The following PARD6G variants were observed in gnomAD, a reference collection of about 807,000 sequenced individuals.
The protein encoded by PARD6G is par-6 family cell polarity regulator gamma, also known as partitioning defective 6 homolog gamma.
A neutral mutation model predicts 10.7 loss-of-function variants in PARD6G; 7 were observed. The observed-to-expected ratio is 0.66, with a 90% CI of 0.37 to 1.23. The LOEUF (loss-of-function observed/expected upper bound fraction) is 1.23. PARD6G is among the 50% of genes most tolerant of loss of function. The pLI is 0.02. For synonymous variants in PARD6G, 287 were observed against 269.4 expected (o/e 1.07, Z -0.64); for missense variants, 548 against 571.8 (o/e 0.96, Z 0.42).
intron 1 of PARD6G, among the ~76,000 whole-genome samples, chr18:80,226,956 C>T (rs1427510623): frequency 6.6e-6 from 1 of 152,096 alleles, no homozygotes; most frequent in African/African-American, 2.4e-5. Context: ...AACCTGTTGA[C>T]CAGAGTTTTT....
chr18:80,204,398 G>T (rs1325457098), intron 1 of PARD6G, among the ~76,000 whole-genome samples: 1 of 152,068 alleles, frequency 6.6e-6, no homozygotes, highest in Non-Finnish European at 1.5e-5. Context: ...GTTCCTGAAA[G>T]AGCTGATGCT....
At chr18:80,244,896 AGAAG>A (rs1320940521) in intron 1 of PARD6G, among the ~76,000 whole-genome samples, 4 of 152,202 alleles carry the variant, frequency 2.6e-5, no homozygotes, top group African/African-American at 9.7e-5. Context: ...AGCTGTGCAC[AGAAG>A]GAAGAGCCAC....
At chr18:80,163,760 G>A (rs2095511588) in intron 2 of PARD6G, among the ~76,000 whole-genome samples, 1 of 152,170 alleles carries the variant, frequency 6.6e-6, no homozygotes, top group African/African-American at 2.4e-5. Context: ...GGTAGACCAG[G>A]GTTCCCTGCA....
At chr18:80,170,453 C>T (rs2052768294) in intron 2 of PARD6G, 1 of 152,382 alleles carries the variant, frequency 6.6e-6, no homozygotes, top group Admixed American at 6.5e-5. Flanking sequence ...AATCTATTTT[C>T]CACCAAGAGC....
Position 80,159,672 on chromosome 18 carries a change from G to T in PARD6G, c.*99C>A. On this transcript the variant is annotated 3_prime_UTR_variant, in exon 3 of 3. Transcript: ENST00000353265. Reference sequence around the variant, plus strand: ...AAACAAAGAGCAGCGTTGTTTTTGTGGTCACAAAAACAACAAAAAATGAGC... The same window carrying T: ...AAACAAAGAGCAGCGTTGTTTTTGTTGTCACAAAAACAACAAAAAATGAGC... The T allele has an allele frequency of 7.6e-7, 1 of 1,311,406 alleles. No homozygotes were observed. The highest frequency in any genetic ancestry group is 9.7e-7 in the Non-Finnish European group (1 of 1,027,326). 81.2% of individuals were successfully genotyped at this position (1,311,406 alleles called of 1,614,324 possible).
chr18:80,225,262 T>C (rs1352136277), intron 1 of PARD6G, among the ~76,000 whole-genome samples: 1 of 152,182 alleles, frequency 6.6e-6, no homozygotes, highest in East Asian at 1.9e-4. Context: ...TCTTGTCACC[T>C]AGGTCCTTTC....
At chr18:80,172,090 C>CT (rs1360038791) in intron 2 of PARD6G, among the ~76,000 whole-genome samples, 7 of 152,334 alleles carry the variant, frequency 4.6e-5, no homozygotes, top group Admixed American at 3.3e-4. Context: ...ATATGTCTAA[C>CT]TGTTTGAGGA....
At position 80,159,469 on chromosome 18, in the gene PARD6G, T is replaced by C. The variant is rs1429472104; in HGVS notation, c.*302A>G. 9.8e-6 allele frequency: 3 copies of C among 305,686 alleles called. No homozygotes were observed. Among genetic ancestry groups the C allele is most frequent in the African/African-American group, 2.2e-5 (1 of 46,218 alleles). The allele number at this position is 305,686 out of a possible 1,614,324, so 18.9% of individuals were successfully genotyped here. A position where few individuals can be genotyped will look rare whatever the true frequency, so the allele number is the denominator to read the frequency against. ...AGCTTCACTTTAAAAACAAAGTATT[T>C]GTAAAAATTTTAAAAAGCATTTTTT... On this transcript the variant is annotated 3_prime_UTR_variant, in exon 3 of 3. Transcript: ENST00000353265.
intron 2 of PARD6G, among the ~76,000 whole-genome samples, chr18:80,177,242 A>ATG (rs2052816911): frequency 6.8e-6 from 1 of 146,230 alleles, no homozygotes. Flanking sequence ...ACACACACAC[A>ATG]CACAGTACAA....
intron 2 of PARD6G, among the ~76,000 whole-genome samples, chr18:80,185,674 TCA>T (rs1280862875): frequency 6.8e-6 from 1 of 146,754 alleles, no homozygotes; most frequent in Admixed American, 6.8e-5. Flanking sequence ...TTGCACACCC[TCA>T]CACATGCATA....
intron 1 of PARD6G, among the ~76,000 whole-genome samples, chr18:80,224,788 A>G (rs1039340981): frequency 6.6e-6 from 1 of 152,022 alleles, no homozygotes; most frequent in Non-Finnish European, 1.5e-5. Flanking sequence ...CGGAGGTTGC[A>G]GTGAGCCGAG....
chr18:80,235,528 T>C (rs944063261), intron 1 of PARD6G, among the ~76,000 whole-genome samples: 4 of 151,788 alleles, frequency 2.6e-5, no homozygotes, highest in South Asian at 2.1e-4. Context: ...CTGAAGGAGA[T>C]AGAGACACAA....
chr18:80,199,443 C>T (rs769269462), intron 2 of PARD6G, among the ~76,000 whole-genome samples: 8 of 152,230 alleles, frequency 5.3e-5, no homozygotes, highest in Non-Finnish European at 1.0e-4. Context: ...CTGATGGACG[C>T]GTGGGCTGTT....
chr18:80,199,768 C>T (rs111726118), intron 2 of PARD6G, among the ~76,000 whole-genome samples: 9 of 152,140 alleles, frequency 5.9e-5, no homozygotes. Context: ...CTCAGCCTCA[C>T]GAGTAGCTGG....
intron 2 of PARD6G, among the ~76,000 whole-genome samples, chr18:80,167,922 C>T (rs1568426555): frequency 6.6e-6 from 1 of 152,100 alleles, no homozygotes; most frequent in Non-Finnish European, 1.5e-5. Flanking sequence ...CTACCACTGT[C>T]AAATGGCTGT....
At chr18:80,163,357 T>G (rs149289002) in intron 2 of PARD6G, among the ~76,000 whole-genome samples, 1 of 152,282 alleles carries the variant, frequency 6.6e-6, no homozygotes, top group Non-Finnish European at 1.5e-5. Context: ...TGGCCGCCTG[T>G]CCCACACACG....
intron 1 of PARD6G, among the ~76,000 whole-genome samples, chr18:80,206,443 T>G (rs1967054827): frequency 6.6e-6 from 1 of 152,236 alleles, no homozygotes; most frequent in South Asian, 2.1e-4. Context: ...GTCCTTCCAG[T>G]ATACTTACCA....
chr18:80,224,725 T>C (rs980755068), intron 1 of PARD6G, among the ~76,000 whole-genome samples: 11 of 152,222 alleles, frequency 7.2e-5, no homozygotes, highest in African/African-American at 2.2e-4. Flanking sequence ...CGGGCGCCTG[T>C]AGTCCCAGCT....
At chr18:80,211,216 C>G (rs1053903091) in intron 1 of PARD6G, among the ~76,000 whole-genome samples, 1 of 152,078 alleles carries the variant, frequency 6.6e-6, no homozygotes, top group African/African-American at 2.4e-5. Flanking sequence ...ATATTATCTC[C>G]TTTACACTTG....
Sources: allele counts gnomAD v4.1 joint callset (sites outside exome capture counted in the v4.1 genomes callset), GRCh38; gene constraint gnomAD v4.1.1; transcripts MANE v1.5; gene names NCBI Gene and HGNC (gene_info 2026-07-23, HGNC 2026-07-21).